Variants in CADM2 observed in about 807,000 individuals in gnomAD.
CADM2 encodes the protein cell adhesion molecule 2, also known as immunoglobulin superfamily member 4D.
Under a neutral mutation model 49.8 loss-of-function variants are expected in CADM2, and 12 were observed. The ratio of observed to expected loss-of-function variants is 0.24; its 90% CI spans 0.15 to 0.39. The LOEUF is 0.39. CADM2 is among the 10% of genes least tolerant of loss of function. The pLI, the probability that CADM2 is intolerant of heterozygous loss-of-function variation, is 1.00. For synonymous variants in CADM2, 214 were observed against 175.4 expected, an observed-to-expected ratio of 1.22 and a Z score of -1.74; for missense variants, 378 against 492.3, an observed-to-expected ratio of 0.77 and a Z score of 2.20.
chr3:85,370,215 A>AAATAATAAT (rs142588684), intron 1 of CADM2, among the ~76,000 whole-genome samples: 6,239 of 135,006 alleles, frequency 0.046, 174 homozygotes, highest in African/African-American at 0.054. Flanking sequence ...CTCCTTTTCA[A>AAATAATAAT]AATAATAATA....
At chr3:84,996,383 A>G (rs960488147) in intron 1 of CADM2, among the ~76,000 whole-genome samples, 1 of 152,118 alleles carries the variant, frequency 6.6e-6, no homozygotes, top group African/African-American at 2.4e-5. Context: ...CATTCACCTA[A>G]TAATTAATTT....
intron 1 of CADM2, among the ~76,000 whole-genome samples, chr3:85,418,520 A>G (rs1243778725): frequency 6.6e-6 from 1 of 152,142 alleles, no homozygotes; most frequent in African/African-American, 2.4e-5. Flanking sequence ...TCCAAGGTCT[A>G]TTATAGTTCA....
chr3:85,769,605 T>C (rs867906621), intron 2 of CADM2, among the ~76,000 whole-genome samples: 10 of 94,846 alleles, frequency 1.1e-4, no homozygotes, highest in South Asian at 3.8e-4. Context: ...TACACATATA[T>C]ACATATATAC....
intron 1 of CADM2, among the ~76,000 whole-genome samples, chr3:85,259,600 A>G (rs140412778): frequency 3.1e-4 from 47 of 152,256 alleles, no homozygotes; most frequent in Non-Finnish European, 5.4e-4. Flanking sequence ...ACATATTTTT[A>G]CTGCACTGAA....
intron 1 of CADM2, among the ~76,000 whole-genome samples, chr3:85,629,770 G>A (rs1298088544): frequency 2.0e-5 from 3 of 152,072 alleles, no homozygotes; most frequent in Non-Finnish European, 2.9e-5. Flanking sequence ...GCCACTTTAT[G>A]TATACACAAT....
intron 1 of CADM2, among the ~76,000 whole-genome samples, chr3:85,597,156 GA>G (rs1250305727): frequency 6.6e-6 from 1 of 151,924 alleles, no homozygotes; most frequent in Admixed American, 6.6e-5. Context: ...GGGGAGAAAA[GA>G]AAAATATGAC....
intron 1 of CADM2, among the ~76,000 whole-genome samples, chr3:85,423,711 G>A (rs1275375168): frequency 1.3e-5 from 2 of 152,260 alleles, no homozygotes; most frequent in Admixed American, 6.5e-5. Context: ...AGAGACTGAT[G>A]TGGTCCCTCT....
intron 2 of CADM2, among the ~76,000 whole-genome samples, chr3:85,749,727 A>G (rs1194392126): frequency 6.6e-6 from 1 of 152,052 alleles, no homozygotes; most frequent in African/African-American, 2.4e-5. Flanking sequence ...TTTCATATGC[A>G]GAGGTTCATG....
intron 3 of CADM2, among the ~76,000 whole-genome samples, chr3:85,858,690 G>A (rs2075405292): frequency 6.6e-6 from 1 of 152,178 alleles, no homozygotes. Flanking sequence ...TTTACTCACT[G>A]CTATATGCAC....
At chr3:85,525,349 C>T (rs2061138366) in intron 1 of CADM2, among the ~76,000 whole-genome samples, 1 of 152,008 alleles carries the variant, frequency 6.6e-6, no homozygotes, top group African/African-American at 2.4e-5. Context: ...CAACTAAAGC[C>T]CATGCTATAT....
At chr3:85,922,138 G>A (rs997164708) in intron 6 of CADM2, among the ~76,000 whole-genome samples, 7 of 150,062 alleles carry the variant, frequency 4.7e-5, no homozygotes, top group African/African-American at 1.7e-4. Context: ...TCCTTCTTTT[G>A]CTTCTTTTCT....
At chr3:85,752,472 G>A (rs1205626884) in intron 2 of CADM2, among the ~76,000 whole-genome samples, 2 of 147,800 alleles carry the variant, frequency 1.4e-5, no homozygotes, top group Admixed American at 1.3e-4. Context: ...ATGTGTGCGT[G>A]CACACACACA....
intron 1 of CADM2, among the ~76,000 whole-genome samples, chr3:85,078,280 C>G (rs1195627818): frequency 1.3e-5 from 2 of 151,902 alleles, no homozygotes; most frequent in Non-Finnish European, 2.9e-5. Context: ...AGTAACATGT[C>G]CTTTGTGTTC....
chr3:84,981,466 A>G (rs192364202), intron 1 of CADM2, among the ~76,000 whole-genome samples: 27 of 152,240 alleles, frequency 1.8e-4, no homozygotes, highest in Non-Finnish European at 3.1e-4. Flanking sequence ...ATACATGAGT[A>G]TGGAGAGAGA....
intron 1 of CADM2, among the ~76,000 whole-genome samples, chr3:85,262,804 A>G (rs2107894840): frequency 6.7e-6 from 1 of 148,710 alleles, no homozygotes; most frequent in South Asian, 2.1e-4. Context: ...TTTTTATAGA[A>G]CGTATAAGAT....
chr3:85,825,748 C>T (rs1411913033), intron 3 of CADM2, among the ~76,000 whole-genome samples: 1 of 151,994 alleles, frequency 6.6e-6, no homozygotes, highest in Non-Finnish European at 1.5e-5. Flanking sequence ...AATGTTATGA[C>T]AGCCACTTTT....
At chr3:85,464,317 G>A (rs2038391747) in intron 1 of CADM2, among the ~76,000 whole-genome samples, 1 of 151,558 alleles carries the variant, frequency 6.6e-6, no homozygotes, top group South Asian at 2.1e-4. Flanking sequence ...TGTTTTCCCT[G>A]CCACCATCTT....
intron 1 of CADM2, among the ~76,000 whole-genome samples, chr3:85,338,351 T>A (rs2045147412): frequency 6.6e-6 from 1 of 151,606 alleles, no homozygotes; most frequent in Non-Finnish European, 1.5e-5. Context: ...CAATCCACCT[T>A]TGTCTAGATG....
intron 1 of CADM2, among the ~76,000 whole-genome samples, chr3:84,969,947 G>C (rs566146685): frequency 6.7e-6 from 1 of 150,062 alleles, no homozygotes; most frequent in South Asian, 2.1e-4. Context: ...TTATCTTCTT[G>C]TTCTACTTTG....
Sources: gnomAD v4.1 joint callset for allele counts (sites outside exome capture counted in the v4.1 genomes callset) on GRCh38, gnomAD v4.1.1 for gene constraint, MANE v1.5 for transcripts, NCBI Gene and HGNC (gene_info 2026-07-23, HGNC 2026-07-21) for gene names.